The following EFHC1 variants were observed in gnomAD, a reference collection of about 807,000 sequenced individuals.
EFHC1 encodes the protein EF-hand domain-containing protein 1.
EFHC1 carries 53 observed loss-of-function variants against 69.9 expected under a neutral mutation model. The observed-to-expected ratio is 0.76, with a 90% CI of 0.61 to 0.95. The LOEUF is 0.95. Ranked by LOEUF, EFHC1 falls within the 40% of genes least tolerant of loss-of-function variation. EFHC1 has a pLI of 0.00. For synonymous variants in EFHC1, 256 were observed against 278.4 expected (o/e 0.92, Z 0.80); for missense variants, 739 against 798.7 (o/e 0.93, Z 0.90).
At chr6:52,478,666 C>T (rs1765597124) in intron 7 of EFHC1, among the ~76,000 whole-genome samples, 1 of 152,144 alleles carries the variant, frequency 6.6e-6, no homozygotes, top group South Asian at 2.1e-4. Context: ...CATATATGTT[C>T]TAGTATACTG....
intron 1 of EFHC1, chr6:52,423,657 ATTTTTTTTTTTTTT>A (rs59383268): frequency 3.4e-5 from 9 of 263,444 alleles, no homozygotes; most frequent in Non-Finnish European, 4.6e-5. Flanking sequence ...CACCCAGCTA[ATTTTTTTTTTTTTT>A]TTTTTTTTTT....
At position 52,494,194 on chromosome 6, in the gene EFHC1, C is replaced by T. The variant is rs1344471433; in HGVS notation, c.*1853C>T. On this transcript the variant is annotated 3_prime_UTR_variant, in exon 11 of 11. Coordinates refer to ENST00000371068, the MANE Select transcript of EFHC1 (RefSeq NM_018100.4). ...AACACATTTAATAACCCTGATAAGC[C>T]CATTGTAAAGTAGGCAAATAAGTTG... The T allele has an allele frequency of 4.4e-6, 2 of 454,024 alleles. No individual in the cohort carries two copies. The highest frequency in any genetic ancestry group is 6.9e-5 in the East Asian group (1 of 14,396). The allele number at this position is 454,024 out of a possible 1,614,324, so 28.1% of individuals were successfully genotyped here.
chr6:52,449,530 A>T (rs1764869564), intron 3 of EFHC1, among the ~76,000 whole-genome samples: 1 of 152,158 alleles, frequency 6.6e-6, no homozygotes, highest in Non-Finnish European at 1.5e-5. Context: ...TCAGGGAATC[A>T]GTTTCTTCCT....
At chr6:52,422,955 A>G (rs1198872139) in intron 1 of EFHC1, among the ~76,000 whole-genome samples, 2 of 152,250 alleles carry the variant, frequency 1.3e-5, no homozygotes, top group Non-Finnish European at 2.9e-5. Flanking sequence ...TTTTAATGAC[A>G]GCACCATAAT....
At chr6:52,461,276 G>A (rs1220624008) in intron 5 of EFHC1, among the ~76,000 whole-genome samples, 2 of 152,016 alleles carry the variant, frequency 1.3e-5, no homozygotes, top group African/African-American at 4.8e-5. Flanking sequence ...ATGTGTCCAT[G>A]TGCTCTCATC....
intron 9 of EFHC1, chr6:52,485,401 A>G (rs1765765733): frequency 6.6e-6 from 1 of 152,154 alleles, no homozygotes; most frequent in Non-Finnish European, 1.5e-5. Context: ...TTAGAATATG[A>G]TATCAATAAA....
chr6:52,478,633 G>A (rs1765596100), intron 7 of EFHC1, among the ~76,000 whole-genome samples: 1 of 152,148 alleles, frequency 6.6e-6, no homozygotes, highest in Admixed American at 6.5e-5. Flanking sequence ...TCAACTAGCA[G>A]CCTGTGGTCA....
At chr6:52,433,434 A>G (rs1456308589) in intron 2 of EFHC1, among the ~76,000 whole-genome samples, 1 of 151,812 alleles carries the variant, frequency 6.6e-6, no homozygotes, top group Non-Finnish European at 1.5e-5. Context: ...AGCTGTAGTG[A>G]TTGTTATCTC....
intron 5 of EFHC1, among the ~76,000 whole-genome samples, chr6:52,456,114 GTCA>G (rs1013847741): frequency 6.6e-6 from 1 of 152,108 alleles, no homozygotes; most frequent in Admixed American, 6.5e-5. Context: ...AGTGAAAATT[GTCA>G]TCATTTTAGA....
intron 2 of EFHC1, among the ~76,000 whole-genome samples, chr6:52,437,405 C>T (rs553790515): frequency 3.9e-4 from 59 of 152,284 alleles, no homozygotes; most frequent in African/African-American, 1.3e-3. Flanking sequence ...ATAGTTTATA[C>T]ACATTGTGAG....
chr6:52,490,353 C>T lies in EFHC1; in HGVS notation c.1851+3C>T, dbSNP rs752470192. 2 of 1,611,518 alleles carry T rather than the reference C, an allele frequency of 1.2e-6. No homozygotes were observed. Among genetic ancestry groups the T allele is most frequent in the Non-Finnish European group, 1.7e-6 (2 of 1,177,710 alleles). ...TGGATGACTCCTTGGTTAAGGAGGT[C>T]AGTATGAATTACTCTTCTGAGTTCA... On this transcript the variant is annotated splice_donor_region_variant and intron_variant, in intron 10 of 10. Transcript: ENST00000371068.
intron 4 of EFHC1, chr6:52,453,254 G>A: frequency 7.8e-7 from 1 of 1,288,674 alleles, no homozygotes; most frequent in Non-Finnish European, 1.0e-6. Flanking sequence ...ATGTTAAAAT[G>A]TTTAATTTCA....
chr6:52,433,372 C>T (rs2113974611), intron 2 of EFHC1, among the ~76,000 whole-genome samples: 2 of 152,236 alleles, frequency 1.3e-5, no homozygotes, highest in South Asian at 4.1e-4. Context: ...GGGGTGTTCC[C>T]TTGATGTAGC....
intron 4 of EFHC1, chr6:52,453,696 G>A: frequency 8.0e-7 from 1 of 1,251,056 alleles, no homozygotes; most frequent in Non-Finnish European, 1.0e-6. Flanking sequence ...AAAAAGACTG[G>A]TTAATAAATA....
intron 6 of EFHC1, among the ~76,000 whole-genome samples, chr6:52,466,245 C>CTCCA (rs1765303961): frequency 6.6e-6 from 1 of 152,154 alleles, no homozygotes; most frequent in Non-Finnish European, 1.5e-5. Flanking sequence ...GTTTGAGTAC[C>CTCCA]TCCAGCCAGG....
intron 2 of EFHC1, among the ~76,000 whole-genome samples, chr6:52,426,028 GTTC>G (rs1375223925): frequency 2.0e-5 from 3 of 152,060 alleles, no homozygotes; most frequent in Admixed American, 2.0e-4. Context: ...TATTTCTGAT[GTTC>G]TTCTTTCATC....
At position 52,493,868 on chromosome 6, in the gene EFHC1, GAGTT is replaced by G; in HGVS notation, c.*1529_*1532del. 2.2e-6 allele frequency: 1 copy of G among 454,090 alleles called. No individual in the cohort carries two copies. Among genetic ancestry groups the G allele is most frequent in the Non-Finnish European group, 4.4e-6 (1 of 226,778 alleles). The allele number at this position is 454,090 out of a possible 1,614,324, so 28.1% of individuals were successfully genotyped here. ...CCAAAATGTGGTATGAATGAGGATA[GAGTT>G]ACACAGAATTCAGACTGCTTTGCCC... On this transcript the variant is annotated 3_prime_UTR_variant, in exon 11 of 11. Transcript: ENST00000371068.
In EFHC1 at chr6:52,493,385, T is replaced by TATATATATA. The variant is rs1554262447; in HGVS notation, c.*1044_*1045insATATATATA. 17 of 210,558 alleles carry TATATATATA rather than the reference T, an allele frequency of 8.1e-5. No individual in the cohort carries two copies. Among genetic ancestry groups the TATATATATA allele is most frequent in the East Asian group, 2.4e-4 (2 of 8,398 alleles). The allele number at this position is 210,558 out of a possible 1,614,324, so 13.0% of individuals were successfully genotyped here. On this transcript the variant is annotated 3_prime_UTR_variant, in exon 11 of 11. Coordinates refer to ENST00000371068, the MANE Select transcript of EFHC1 (RefSeq NM_018100.4). ...CTCTACATATATATATATATATATA[T>TATATATATA]TTTATATGTACACATTCATACACAC... is the stretch of plus-strand genomic sequence containing the variant.
chr6:52,478,366 G>T (rs1340705778), intron 7 of EFHC1, among the ~76,000 whole-genome samples: 5 of 152,004 alleles, frequency 3.3e-5, no homozygotes, highest in African/African-American at 9.7e-5. Context: ...CATGGCACAT[G>T]TATACATATG....
Sources: allele counts gnomAD v4.1 joint callset (sites outside exome capture counted in the v4.1 genomes callset), GRCh38; gene constraint gnomAD v4.1.1; transcripts MANE v1.5; gene names NCBI Gene and HGNC (gene_info 2026-07-23, HGNC 2026-07-21).